Variants in PIEZO2 observed in about 807,000 individuals in gnomAD.
PIEZO2 encodes piezo-type mechanosensitive ion channel component 2.
In PIEZO2, 172 loss-of-function variants were observed where a neutral mutation model predicts 337.3. The observed-to-expected ratio is 0.51, with a 90% CI of 0.45 to 0.58. The LOEUF (loss-of-function observed/expected upper bound fraction) is 0.58. Among genes scored for constraint, PIEZO2 ranks in the 20% least tolerant of loss-of-function variants. PIEZO2 has a pLI of 0.00. For missense variants in PIEZO2, 3,028 were observed against 3,391.3 expected, an observed-to-expected ratio of 0.89 and a Z score of 2.66; for synonymous variants, 1,251 against 1,228.5, an observed-to-expected ratio of 1.02 and a Z score of -0.38.
rs1030851289 is a variant in PIEZO2 at position 11,131,336 on chromosome 18, G to A, written c.64+17189C>T. Among the ~76,000 whole-genome samples the A allele has an allele frequency of 2.0e-5, 3 of 152,080 alleles. No homozygotes were observed. Among genetic ancestry groups the A allele is most frequent in the Non-Finnish European group, 4.4e-5 (3 of 67,996 alleles). On this transcript the variant is annotated intron_variant, in intron 1 of 55. Coordinates refer to ENST00000674853, the MANE Select transcript of PIEZO2 (RefSeq NM_001378183.1). The surrounding 1 kb of genome is among the most constrained non-coding windows in gnomAD (Gnocchi z 5.3). ...AGTAAGTTACATGAGGAAGTGGCTC[G>A]AATGCCTATCATCTCCACCCCTGCT...
At position 11,083,868 on chromosome 18, in the gene PIEZO2, G is replaced by A. The variant is rs954469356; in HGVS notation, c.65-17646C>T. Among the ~76,000 whole-genome samples the A allele has an allele frequency of 2.2e-4, 34 of 152,002 alleles. No individual in the cohort carries two copies. The highest frequency in any genetic ancestry group is 7.5e-4 in the African/African-American group (31 of 41,370). Reference sequence around the variant, plus strand: ...TTTAGTCAATTTTAATTAAATAATCGATCAATTCAATTAAGAGAAAGGAGA... The same window carrying A: ...TTTAGTCAATTTTAATTAAATAATCAATCAATTCAATTAAGAGAAAGGAGA... On this transcript the variant is annotated intron_variant, in intron 1 of 55. Transcript: ENST00000674853. This position sits in a 1 kb window ranked among gnomAD's most constrained non-coding sequence, Gnocchi z 4.4.
At position 10,862,430 on chromosome 18, in the gene PIEZO2, G is replaced by A. The variant is rs571374394; in HGVS notation, c.493-5219C>T. Among the ~76,000 whole-genome samples, 14 of 152,238 alleles carry A rather than the reference G, an allele frequency of 9.2e-5. No homozygotes were observed. Among genetic ancestry groups the A allele is most frequent in the African/African-American group, 3.1e-4 (13 of 41,532 alleles). ...CAAAGCTCTCATCCCACAATGAGAC[G>A]GGATCTAAACCTTTGCGTCTCTGCA... On this transcript the variant is annotated intron_variant, in intron 5 of 55. Coordinates refer to ENST00000674853, the MANE Select transcript of PIEZO2 (RefSeq NM_001378183.1). The surrounding 1 kb of genome is among the most constrained non-coding windows in gnomAD (Gnocchi z 4.4).
At chr18:10,920,562 T>C (rs2031326052) in intron 3 of PIEZO2, among the ~76,000 whole-genome samples, 1 of 152,148 alleles carries the variant, frequency 6.6e-6, no homozygotes, top group African/African-American at 2.4e-5. Flanking sequence ...TGCAATTTTG[T>C]TGGAAATATA....
At position 10,703,500 on chromosome 18, in the gene PIEZO2, A is replaced by C. The variant is rs560919637; in HGVS notation, c.6258+894T>G. Among the ~76,000 whole-genome samples the C allele has an allele frequency of 3.3e-5, 5 of 152,346 alleles. No individual in the cohort carries two copies. In the East Asian group the frequency reaches 9.6e-4, roughly 29 times the overall value. On this transcript the variant is annotated intron_variant, in intron 42 of 55. Coordinates refer to ENST00000674853, the MANE Select transcript of PIEZO2 (RefSeq NM_001378183.1). ...TTAATTTTGCTACTGAATTACTTAC[A>C]ACCTACAAAACTTCTGGGCTTTGGG...
intron 3 of PIEZO2, among the ~76,000 whole-genome samples, chr18:10,966,136 C>T (rs900956396): frequency 4.6e-5 from 7 of 152,184 alleles, no homozygotes; most frequent in African/African-American, 1.7e-4. Context: ...AACCCTCCTC[C>T]ATCACGCTGG....
intron 3 of PIEZO2, among the ~76,000 whole-genome samples, chr18:10,913,240 A>T (rs2030637726): frequency 6.6e-6 from 1 of 152,182 alleles, no homozygotes. Flanking sequence ...CTAGCAATTA[A>T]GAGACTGGCA....
chr18:10,811,212 C>T (rs577951179), intron 7 of PIEZO2, among the ~76,000 whole-genome samples: 4 of 152,264 alleles, frequency 2.6e-5, no homozygotes, highest in Admixed American at 6.5e-5. Context: ...AAGTCACCAT[C>T]GCCGGGAAAT....
At chr18:10,785,091 G>C in intron 16 of PIEZO2, 134 bp from the exon 17 acceptor site, 1 of 929,376 alleles carries the variant, frequency 1.1e-6, no homozygotes, top group Non-Finnish European at 1.5e-6. Flanking sequence ...CTCCCATATG[G>C]TCCAATATGG....
chr18:11,075,474 G>T (rs2038497001), intron 1 of PIEZO2, among the ~76,000 whole-genome samples: 1 of 152,182 alleles, frequency 6.6e-6, no homozygotes, highest in Admixed American at 6.5e-5. Flanking sequence ...TTTTACATCG[G>T]TTGAAACCGT....
At chr18:11,058,104 A>T (rs1035704198) in intron 2 of PIEZO2, among the ~76,000 whole-genome samples, 5 of 152,314 alleles carry the variant, frequency 3.3e-5, no homozygotes, top group Non-Finnish European at 7.3e-5. Context: ...CTGGAATTTT[A>T]TGTTTAAGAC....
intron 2 of PIEZO2, among the ~76,000 whole-genome samples, chr18:11,050,625 A>G (rs1025798269): frequency 3.3e-5 from 5 of 152,020 alleles, no homozygotes; most frequent in Admixed American, 2.6e-4. Context: ...GAGTAGAATA[A>G]AATATGTTTT....
chr18:10,881,229 G>A (rs1225356383), intron 4 of PIEZO2, among the ~76,000 whole-genome samples: 1 of 151,794 alleles, frequency 6.6e-6, no homozygotes, highest in Admixed American at 6.6e-5. Flanking sequence ...ATATAGATAT[G>A]TATGTATGTA....
In PIEZO2 at chr18:10,847,479, C is replaced by A. The variant is rs938694552; in HGVS notation, c.917+7874G>T. On this transcript the variant is annotated intron_variant, in intron 7 of 55. Coordinates refer to ENST00000674853, the MANE Select transcript of PIEZO2 (RefSeq NM_001378183.1). This position sits in a 1 kb window ranked among gnomAD's most constrained non-coding sequence, Gnocchi z 5.7. Reference sequence around the variant, plus strand: ...CTTAGGTCACTGGGCTGGATAAACACGCAGTGCAAAGGCCCGTGGGCTCGG... The same window carrying A: ...CTTAGGTCACTGGGCTGGATAAACAAGCAGTGCAAAGGCCCGTGGGCTCGG... Among the ~76,000 whole-genome samples, 1 of 152,170 alleles carries A rather than the reference C, an allele frequency of 6.6e-6. No homozygotes were observed. Among genetic ancestry groups the A allele is most frequent in the African/African-American group, 2.4e-5 (1 of 41,434 alleles).
chr18:10,800,363 C>A lies in PIEZO2; in HGVS notation c.1352G>T (p.Arg451Leu), dbSNP rs747264342. Residue 451 changes from arginine to leucine, a missense_variant, in exon 11 of 56, where the codon CGG becomes CTG. By Grantham distance (102) the Arg-to-Leu change is moderately radical. Around this residue, in one of 5 missense-constraint regions of PIEZO2, gnomAD observed 542 missense variants for 605.6 expected, o/e 0.89. Transcript: ENST00000674853. ...KADLYSTPQY[R>L]WEPSDESSEK... ...TGAGGATTCATCAGAGGGCTCCCAC[C>A]GGTACTGAGGGGTGGAGTAGAGGTC... 6.5e-7 allele frequency: 1 copy of A among 1,535,750 alleles called. No individual in the cohort carries two copies. The highest frequency in any genetic ancestry group is 1.4e-5 in the African/African-American group (1 of 72,974).
Position 10,815,049 on chromosome 18 carries a change from T to A in PIEZO2, c.918-7775A>T, listed in dbSNP as rs1052182304. On this transcript the variant is annotated intron_variant, in intron 7 of 55. Coordinates refer to ENST00000674853, the MANE Select transcript of PIEZO2 (RefSeq NM_001378183.1). The surrounding 1 kb of genome is among the most constrained non-coding windows in gnomAD (Gnocchi z 4.1). ...GCCCTGCAGCAGCTTATAAAACTAA[T>A]TGTGGGGAAAATGGCCAGGCACTAA... Among the ~76,000 whole-genome samples, 47 of 152,206 alleles carry A rather than the reference T, an allele frequency of 3.1e-4. No homozygotes were observed. Among genetic ancestry groups the A allele is most frequent in the Admixed American group, 2.7e-3 (42 of 15,286 alleles).
At chr18:10,971,839 A>G (rs895559763) in intron 3 of PIEZO2, among the ~76,000 whole-genome samples, 1 of 152,170 alleles carries the variant, frequency 6.6e-6, no homozygotes, top group Non-Finnish European at 1.5e-5. Flanking sequence ...TACTGGAAAG[A>G]GTACAGACTG....
chr18:10,711,764 C>T (rs1411419808), intron 39 of PIEZO2, among the ~76,000 whole-genome samples: 5 of 152,164 alleles, frequency 3.3e-5, no homozygotes, highest in Non-Finnish European at 7.3e-5. Context: ...TACGCATGTA[C>T]GTGATCGTAT....
chr18:10,690,852 G>T (rs2034787535), intron 48 of PIEZO2, among the ~76,000 whole-genome samples: 1 of 152,164 alleles, frequency 6.6e-6, no homozygotes, highest in Non-Finnish European at 1.5e-5. Flanking sequence ...AAATTCTAAG[G>T]ATAATTTGGA....
rs1182420967 is a variant in PIEZO2, at chr18:10,789,101, A to C, written c.2147T>G (p.Leu716Arg). The C allele has an allele frequency of 3.3e-6, 5 of 1,537,126 alleles. No individual in the cohort carries two copies. Among genetic ancestry groups the C allele is most frequent in the African/African-American group, 2.7e-5 (2 of 73,068 alleles). Residue 716 changes from leucine to arginine, a missense_variant, in exon 15 of 56, where the codon CTG (leucine) becomes CGG (arginine). Leu to Arg is a moderately radical substitution (Grantham distance 102). Coordinates refer to ENST00000674853, the MANE Select transcript of PIEZO2 (RefSeq NM_001378183.1). ...TACCTGGTATAGGGCCACACAGAAC[A>C]GGAACAGCACCATGTAGATGATTTT... ...MYKIIYMVLF[L>R]FCVALYQVHY...
Sources: allele counts gnomAD v4.1 joint callset (sites outside exome capture counted in the v4.1 genomes callset), GRCh38; gene constraint gnomAD v4.1.1; regional missense constraint gnomAD v4.1.1; non-coding constraint Gnocchi (gnomAD v3.1); transcripts MANE v1.5; gene names NCBI Gene and HGNC (gene_info 2026-07-23, HGNC 2026-07-21).